The following PLCXD1 variants were observed in gnomAD, a reference collection of about 807,000 sequenced individuals.
The protein encoded by PLCXD1 is PI-PLC X domain-containing protein 1.
PLCXD1 carries 45 observed loss-of-function variants against 37.8 expected under a neutral mutation model. The ratio of observed to expected loss-of-function variants is 1.19; its 90% CI spans 0.94 to 1.53. PLCXD1 has a LOEUF of 1.53. Among genes scored for constraint, PLCXD1 ranks in the 40% most tolerant of loss-of-function variants. The probability of loss-of-function intolerance (pLI) is 0.00; values close to 1 mark genes in which losing one functional copy is unlikely to be tolerated. For missense variants in PLCXD1, 539 were observed against 454.7 expected, an observed-to-expected ratio of 1.19 and a Z score of -1.69; for synonymous variants, 246 against 206.9, an observed-to-expected ratio of 1.19 and a Z score of -1.62.
Position 293,051 on chromosome X carries a change from G to A in PLCXD1, c.566G>A (p.Arg189Gln), listed in dbSNP as rs149361612. ...CCTTTGCAGGAGGTGCCGACACTGC[G>A]GCAGCTGTGGTCCCGGGGCCAACAG... The part of the protein sequence containing the change: ...LCPRGEVPTL[R>Q]QLWSRGQQVI... The change falls in exon 6 of 7, where the codon CGG becomes CAG. Residue 189 changes from arginine to glutamine, a missense_variant. Physicochemically the swap from Arg to Gln is conservative, Grantham distance 43. Transcript: ENST00000381657. 5.0e-5 allele frequency: 81 copies of A among 1,608,382 alleles called. No homozygotes were observed. The highest frequency in any genetic ancestry group is 4.4e-4 in the Middle Eastern group (2 of 4,502).
chrX:288,199 C>T (rs1332365739), intron 2 of PLCXD1, among the ~76,000 whole-genome samples: 1 of 152,058 alleles, frequency 6.6e-6, no homozygotes, highest in Admixed American at 6.5e-5. Flanking sequence ...TGTAAAGACC[C>T]TATTTCCAAA....
Position 295,239 on chromosome X carries a change from G to A in PLCXD1, c.733+2021G>A, listed in dbSNP as rs750291235. ...CAATTTTTGTAAAAAAGCCACCGACGGGGTGTGAGGTGCAGACAGCGTCGG... is the reference window on the plus strand; with the variant it reads ...CAATTTTTGTAAAAAAGCCACCGACAGGGTGTGAGGTGCAGACAGCGTCGG... On this transcript the variant is annotated intron_variant, in intron 6 of 6. Coordinates refer to ENST00000381657, the MANE Select transcript of PLCXD1 (RefSeq NM_018390.4). Among the ~76,000 whole-genome samples, 99 of 152,120 alleles carry A rather than the reference G, an allele frequency of 6.5e-4. 1 individual carries two copies. The highest frequency in any genetic ancestry group is 1.0e-3 in the Non-Finnish European group (69 of 67,964).
intron 3 of PLCXD1, 37 bp downstream of exon 3, chrX:288,906 C>G: frequency 6.2e-7 from 1 of 1,605,194 alleles, no homozygotes. Context: ...CCTGGCCTGT[C>G]AGCTATGTGG....
At chrX:280,324 GTGCAGGGGGAGGGGA>G, upstream of PLCXD1, among the ~76,000 whole-genome samples, 1 of 123,910 alleles carries the variant, frequency 8.1e-6, no homozygotes, top group Non-Finnish European at 1.7e-5. Flanking sequence ...AAGGGAGGCC[GTGCAGGGGGAGGGGA>G]GGCCGTGCAG....
rs1192374542 is a variant in PLCXD1, at chrX:293,202, G to A, written c.717G>A (p.Lys239=). The A allele has an allele frequency of 4.3e-6, 7 of 1,610,370 alleles. No homozygotes were observed. The highest frequency in any genetic ancestry group is 1.7e-5 in the Admixed American group (1 of 59,880). ...EALIRYLETM[K]SCGRPGGLFV... Reference sequence around the variant, plus strand: ...TCATCCGATACCTGGAGACCATGAAGAGCTGCGGCCGCCCAGGTACCAGGT... The same window carrying A: ...TCATCCGATACCTGGAGACCATGAAAAGCTGCGGCCGCCCAGGTACCAGGT... Residue 239 remains lysine (K), a synonymous_variant, in exon 6 of 7, where the codon AAG becomes AAA. Transcript: ENST00000381657.
upstream of PLCXD1, among the ~76,000 whole-genome samples, chrX:279,172 A>T (rs1307717855): frequency 6.6e-6 from 1 of 152,242 alleles, no homozygotes; most frequent in Non-Finnish European, 1.5e-5. Flanking sequence ...CACAAAGTCG[A>T]TTGATCGGCT....
At chrX:279,548 G>A (rs956317463), upstream of PLCXD1, among the ~76,000 whole-genome samples, 2 of 152,188 alleles carry the variant, frequency 1.3e-5, no homozygotes, top group African/African-American at 4.8e-5. Flanking sequence ...AAGGCGGGCG[G>A]ATCACCTGAA....
At position 284,172 on chromosome X, in the gene PLCXD1, C is replaced by T; in HGVS notation, c.-16C>T. 1 of 1,612,666 alleles carries T rather than the reference C, an allele frequency of 6.2e-7. No homozygotes were observed. Among genetic ancestry groups the T allele is most frequent in the Non-Finnish European group, 8.5e-7 (1 of 1,179,648 alleles). On this transcript the variant is annotated 5_prime_UTR_variant, in exon 2 of 7. Transcript: ENST00000381657. ...TTCCTCTTCTCCTTCCTCAGGTTGC[C>T]CAGGGCTCACCTCTGATGGGTGGGC...
Position 299,257 on chromosome X carries a change from C to A in PLCXD1, c.894C>A (p.Ile298=), listed in dbSNP as rs772988947. Residue 298 remains isoleucine, a synonymous_variant, in exon 7 of 7, where the codon ATC becomes ATA. Coordinates refer to ENST00000381657, the MANE Select transcript of PLCXD1 (RefSeq NM_018390.4). ...GGCCGGGTTCACGGTGCACCAACATCATCGCGGGGGACTTCATCGGCGCAG... is the reference window on the plus strand; with the variant it reads ...GGCCGGGTTCACGGTGCACCAACATAATCGCGGGGGACTTCATCGGCGCAG... The part of the protein sequence containing the change: ...CPGPGSRCTN[I]IAGDFIGADG... The A allele has an allele frequency of 3.7e-6, 6 of 1,613,818 alleles. No homozygotes were observed. The highest frequency in any genetic ancestry group is 1.7e-5 in the Admixed American group (1 of 59,978).
intron 3 of PLCXD1, among the ~76,000 whole-genome samples, chrX:289,838 A>G (rs1355901023): frequency 2.0e-5 from 3 of 151,998 alleles, no homozygotes; most frequent in African/African-American, 7.3e-5. Flanking sequence ...GCCTGCACTC[A>G]AGACAGACAA....
chrX:279,387 C>T (rs771927098), upstream of PLCXD1, among the ~76,000 whole-genome samples: 7 of 152,282 alleles, frequency 4.6e-5, no homozygotes, highest in South Asian at 1.2e-3. Context: ...CAGGTTCAAT[C>T]GGTGAAGGTG....
upstream of PLCXD1, among the ~76,000 whole-genome samples, chrX:276,658 G>A (rs1048692393): frequency 5.3e-5 from 8 of 152,170 alleles, no homozygotes; most frequent in East Asian, 3.9e-4. Context: ...TCAGAGCCGC[G>A]GAGCCAGTGT....
intron 2 of PLCXD1, among the ~76,000 whole-genome samples, chrX:286,261 C>A (rs1353072604): frequency 6.6e-6 from 1 of 152,058 alleles, no homozygotes; most frequent in Non-Finnish European, 1.5e-5. Context: ...GATGGGGTTT[C>A]ACCATGTTGG....
At chrX:282,107 T>A (rs1304107373) in intron 1 of PLCXD1, among the ~76,000 whole-genome samples, 2 of 152,168 alleles carry the variant, frequency 1.3e-5, no homozygotes, top group African/African-American at 4.8e-5. Flanking sequence ...TCCTCAGATG[T>A]GAAACTGTCA....
chrX:285,366 GCA>G (rs748220976), intron 2 of PLCXD1, among the ~76,000 whole-genome samples: 73 of 147,850 alleles, frequency 4.9e-4, no homozygotes, highest in African/African-American at 1.8e-3. Context: ...GTACACACAT[GCA>G]CACATGTATA....
rs751841678 is a variant in PLCXD1 at position 293,203 on chromosome X, A to C, written c.718A>C (p.Ser240Arg). 4 of 1,610,142 alleles carry C rather than the reference A, an allele frequency of 2.5e-6. No individual in the cohort carries two copies. The highest frequency in any genetic ancestry group is 2.5e-6 in the Non-Finnish European group (3 of 1,178,104). The change falls in exon 6 of 7, where the codon AGC becomes CGC. Residue 240 changes from serine to arginine, a missense_variant. Physicochemically the swap from Ser to Arg is moderately radical, Grantham distance 110. Coordinates refer to ENST00000381657, the MANE Select transcript of PLCXD1 (RefSeq NM_018390.4). Reference protein sequence around the residue: ...ALIRYLETMKSCGRPGGLFVA... With the variant: ...ALIRYLETMKRCGRPGGLFVA... Reference sequence around the variant, plus strand: ...CATCCGATACCTGGAGACCATGAAGAGCTGCGGCCGCCCAGGTACCAGGTC... The same window carrying C: ...CATCCGATACCTGGAGACCATGAAGCGCTGCGGCCGCCCAGGTACCAGGTC...
chrX:280,389 G>GA (rs2069240857), upstream of PLCXD1, among the ~76,000 whole-genome samples: 2 of 77,064 alleles, frequency 2.6e-5, 1 homozygote, highest in Admixed American at 2.7e-4. Context: ...AGGCCGTGCA[G>GA]GGGGAAGGGA....
At chrX:282,655 C>T (rs1290334974) in intron 1 of PLCXD1, among the ~76,000 whole-genome samples, 1 of 146,160 alleles carries the variant, frequency 6.8e-6, no homozygotes, top group South Asian at 2.1e-4. Context: ...CAGTGAGCCG[C>T]GATCGCGCCA....
chrX:286,870 G>A (rs889093123), intron 2 of PLCXD1, among the ~76,000 whole-genome samples: 3 of 151,934 alleles, frequency 2.0e-5, no homozygotes, highest in Non-Finnish European at 4.4e-5. Context: ...GGGGGTAGGG[G>A]GCAGCAGGAG....
Sources: gnomAD v4.1 joint callset for allele counts (sites outside exome capture counted in the v4.1 genomes callset) on GRCh38, gnomAD v4.1.1 for gene constraint, MANE v1.5 for transcripts, NCBI Gene and HGNC (gene_info 2026-07-23, HGNC 2026-07-21) for gene names.